Variants in STK25 observed in about 807,000 individuals in gnomAD.
The protein encoded by STK25 is serine/threonine kinase 25, also known as serine/threonine-protein kinase 25.
A neutral mutation model predicts 53.8 loss-of-function variants in STK25; 29 were observed. That is an observed-to-expected ratio of 0.54 (90% CI 0.40 to 0.74). The LOEUF (loss-of-function observed/expected upper bound fraction) is 0.74. STK25 is among the 30% of genes least tolerant of loss of function. STK25 has a pLI of 0.00. For missense variants in STK25, 420 were observed against 568.0 expected (o/e 0.74, Z 2.65); for synonymous variants, 247 against 238.3 (o/e 1.04, Z -0.33).
Position 241,508,523 on chromosome 2 carries a change from CG to C in STK25, c.-182del. 8 of 1,007,944 alleles carry C rather than the reference CG, an allele frequency of 7.9e-6. No individual in the cohort carries two copies. The South Asian group carries it at 1.1e-4, about 14-fold the overall frequency. The allele number at this position is 1,007,944 out of a possible 1,614,324, so 62.4% of individuals were successfully genotyped here. On this transcript the variant is annotated 5_prime_UTR_variant, in exon 1 of 12. Coordinates refer to ENST00000316586, the MANE Select transcript of STK25 (RefSeq NM_001271977.2). ...CTCCCACCCGCAGCCTCTGTTCGCCCGGGGACCCCGGGCCTCCCAGCCCGCG... is the reference window on the plus strand; with the variant it reads ...CTCCCACCCGCAGCCTCTGTTCGCCCGGGACCCCGGGCCTCCCAGCCCGCG...
intron 8 of STK25, 67 bp from the exon 9 acceptor site, chr2:241,498,416 A>C: frequency 7.0e-7 from 1 of 1,428,242 alleles, no homozygotes; most frequent in Non-Finnish European, 9.5e-7. Context: ...GCCTCAGGGC[A>C]CACCTCACGG....
chr2:241,497,498 G>T, intron 10 of STK25, 118 bp downstream of exon 10: 1 of 1,020,848 alleles, frequency 9.8e-7, no homozygotes, highest in Non-Finnish European at 1.5e-6. Flanking sequence ...ACAATCAGCT[G>T]CAGGAAAGCT....
intron 11 of STK25, 130 bp from the exon 12 acceptor site, chr2:241,495,831 C>T: frequency 1.1e-6 from 1 of 880,696 alleles, no homozygotes. Flanking sequence ...AAGGTGTCCC[C>T]AATGCACAGG....
In STK25 at chr2:241,508,100, CGG is replaced by C. The variant is rs1249786319; in HGVS notation, c.-67_-66del. ...GGCGTCTGGATCCCGCGGAGAGGCG[CGG>C]AGCCGGCTAGCTCGCCCCTGCGGCG... is the stretch of plus-strand genomic sequence containing the variant. On this transcript the variant is annotated 5_prime_UTR_variant, in exon 2 of 12. Coordinates refer to ENST00000316586, the MANE Select transcript of STK25 (RefSeq NM_001271977.2). 2.4e-4 allele frequency: 371 copies of C among 1,552,462 alleles called. 1 individual carries two copies. Among genetic ancestry groups the C allele is most frequent in the Non-Finnish European group, 3.0e-4 (346 of 1,150,520 alleles).
Position 241,492,757 on chromosome 2 carries a change from T to C in STK25, c.*2905A>G. On this transcript the variant is annotated 3_prime_UTR_variant, in exon 12 of 12. Coordinates refer to ENST00000316586, the MANE Select transcript of STK25 (RefSeq NM_001271977.2). ...GGAATGTCACTCTAGGTTTTTAACA[T>C]GCTTCTGTTGGACTTAAGTACTGAT... 1.8e-6 allele frequency: 1 copy of C among 564,732 alleles called. No homozygotes were observed. Among genetic ancestry groups the C allele is most frequent in the Non-Finnish European group, 3.2e-6 (1 of 316,432 alleles). 35.0% of individuals were successfully genotyped at this position (564,732 alleles called of 1,614,324 possible). A position where few individuals can be genotyped will look rare whatever the true frequency, so the allele number is the denominator to read the frequency against.
intron 10 of STK25, 76 bp downstream of exon 10, chr2:241,497,540 G>T: frequency 6.9e-7 from 1 of 1,457,518 alleles, no homozygotes. Context: ...GTGCTGTGAG[G>T]GAGACATCTC....
Position 241,501,814 on chromosome 2 carries a change from G to A in STK25, c.31-106C>T. On this transcript the variant is annotated intron_variant, in intron 2 of 11. Coordinates refer to ENST00000316586, the MANE Select transcript of STK25 (RefSeq NM_001271977.2). This position sits in a 1 kb window ranked among gnomAD's most constrained non-coding sequence, Gnocchi z 5.3. ...GAGGAAGGGACCTGTAGGGAAGGGG[G>A]AGTCCAAGGGAGCGCACCTCAATTC... 8 of 725,220 alleles carry A rather than the reference G, an allele frequency of 1.1e-5. No homozygotes were observed. The South Asian group carries it at 1.4e-4, about 13-fold the overall frequency. The allele number at this position is 725,220 out of a possible 1,614,324, so 44.9% of individuals were successfully genotyped here. A position where few individuals can be genotyped will look rare whatever the true frequency, so the allele number is the denominator to read the frequency against.
At chr2:241,508,616 T>C (rs539350255), upstream of STK25, 1,407 of 986,586 alleles carry the variant, frequency 1.4e-3, 3 homozygotes, top group Non-Finnish European at 1.6e-3. Context: ...GTGCTCGGCG[T>C]CGCGGCCCGC....
chr2:241,508,104 G>A lies in STK25; in HGVS notation c.-69C>T, dbSNP rs2065961750. ...TCTGGATCCCGCGGAGAGGCGCGGA[G>A]CCGGCTAGCTCGCCCCTGCGGCGTC... On this transcript the variant is annotated 5_prime_UTR_variant, in exon 2 of 12. Coordinates refer to ENST00000316586, the MANE Select transcript of STK25 (RefSeq NM_001271977.2). 6.5e-7 allele frequency: 1 copy of A among 1,548,342 alleles called. No homozygotes were observed. The highest frequency in any genetic ancestry group is 8.7e-7 in the Non-Finnish European group (1 of 1,148,112).
intron 9 of STK25, 86 bp downstream of exon 9, chr2:241,498,149 C>G: frequency 7.8e-7 from 1 of 1,275,248 alleles, no homozygotes; most frequent in East Asian, 2.3e-5. Context: ...GCTCCAGACA[C>G]TGGGTGGACA....
At chr2:241,502,988 T>C (rs1480412738) in intron 2 of STK25, among the ~76,000 whole-genome samples, 1 of 152,128 alleles carries the variant, frequency 6.6e-6, no homozygotes, top group African/African-American at 2.4e-5. Context: ...GCCAGTGGTG[T>C]GGAAGGTGCC....
At position 241,505,827 on chromosome 2, in the gene STK25, G is replaced by T. The variant is rs189371922; in HGVS notation, c.30+2179C>A. On this transcript the variant is annotated intron_variant, in intron 2 of 11. Transcript: ENST00000316586. Reference sequence around the variant, plus strand: ...CCCACCCCCACCTGGAGAAGAAAGGGTAAGTGGGCCCCTGGCCTGGAGGCT... The same window carrying T: ...CCCACCCCCACCTGGAGAAGAAAGGTTAAGTGGGCCCCTGGCCTGGAGGCT... 1.7e-3 allele frequency among the ~76,000 whole-genome samples: 253 copies of T among 152,340 alleles called. 1 individual carries two copies. The highest frequency in any genetic ancestry group is 5.8e-3 in the African/African-American group (243 of 41,576).
rs1297417339 is a variant in STK25 at position 241,501,562 on chromosome 2, C to A, written c.177G>T (p.Glu59Asp). 6.2e-7 allele frequency: 1 copy of A among 1,614,158 alleles called. No individual in the cohort carries two copies. Among genetic ancestry groups the A allele is most frequent in the East Asian group, 2.2e-5 (1 of 44,880 alleles). The part of the protein sequence containing the change: ...KIIDLEEAED[E>D]IEDIQQEITV... Reference sequence around the variant, plus strand: ...TGATCTCCTGCTGGATGTCCTCGATCTCATCCTCGGCCTCCTCCAGGTCGA... The same window carrying A: ...TGATCTCCTGCTGGATGTCCTCGATATCATCCTCGGCCTCCTCCAGGTCGA... Residue 59 changes from glutamate (E) to aspartate (D), a missense_variant, in exon 3 of 12, where the codon GAG (glutamate) becomes GAT (aspartate). Transcript: ENST00000316586. This position sits in a 1 kb window ranked among gnomAD's most constrained non-coding sequence, Gnocchi z 5.3.
chr2:241,504,666 C>A (rs954559729), intron 2 of STK25, among the ~76,000 whole-genome samples: 1 of 152,162 alleles, frequency 6.6e-6, no homozygotes, highest in Admixed American at 6.6e-5. Context: ...TGGGGGGTCT[C>A]GCTGTGTGCC....
rs2065154901 is a variant in STK25 at position 241,496,330 on chromosome 2, G to A, written c.1241+68C>T. 2 of 1,567,982 alleles carry A rather than the reference G, an allele frequency of 1.3e-6. No individual in the cohort carries two copies. The highest frequency in any genetic ancestry group is 3.4e-5 in the Admixed American group (2 of 58,206). On this transcript the variant is annotated intron_variant, in intron 11 of 11. Coordinates refer to ENST00000316586, the MANE Select transcript of STK25 (RefSeq NM_001271977.2). This position sits in a 1 kb window ranked among gnomAD's most constrained non-coding sequence, Gnocchi z 5.8. ...CAGCCACACCCACGAGTGAGCACTG[G>A]ACCTCACCCCACGTCCAGCTTCTTG...
In STK25 at chr2:241,495,693, T is replaced by C. The variant is rs995832965; in HGVS notation, c.1250A>G (p.His417Arg). 1.9e-5 allele frequency: 31 copies of C among 1,614,090 alleles called. No individual in the cohort carries two copies. The highest frequency in any genetic ancestry group is 2.4e-5 in the Non-Finnish European group (28 of 1,180,036). ...HLVERVQRFSHNRNHLTSTR is the reference protein window; with the variant it reads ...HLVERVQRFSRNRNHLTSTR ...GGTGGATGTCAGGTGGTTTCTGTTGTGTGAAAACCTGCAGAGAGAAGAGCC... is the reference window on the plus strand; with the variant it reads ...GGTGGATGTCAGGTGGTTTCTGTTGCGTGAAAACCTGCAGAGAGAAGAGCC... Residue 417 changes from histidine to arginine, a missense_variant, in exon 12 of 12, where the codon CAC (histidine) becomes CGC (arginine). Physicochemically the swap from His to Arg is conservative, Grantham distance 29. Coordinates refer to ENST00000316586, the MANE Select transcript of STK25 (RefSeq NM_001271977.2).
chr2:241,498,506 A>G, intron 8 of STK25, 133 bp downstream of exon 8: 1 of 1,311,340 alleles, frequency 7.6e-7, no homozygotes, highest in South Asian at 1.4e-5. Flanking sequence ...CCTGTCCTGC[A>G]GCCTTGAGGG....
chr2:241,496,399 T>G lies in STK25; in HGVS notation c.1240A>C (p.Arg414=), dbSNP rs781232606. The change falls in exon 11 of 12, where the codon AGG becomes CGG. Residue 414 remains arginine, a splice_region_variant and synonymous_variant. Coordinates refer to ENST00000316586, the MANE Select transcript of STK25 (RefSeq NM_001271977.2). The surrounding 1 kb of genome is among the most constrained non-coding windows in gnomAD (Gnocchi z 5.8). ...LMVHLVERVQ[R]FSHNRNHLTS... Reference sequence around the variant, plus strand: ...ACCCTATGGCACGGCCGCCCTCACCTCTGCACTCGCTCCACCAGGTGCACC... The same window carrying G: ...ACCCTATGGCACGGCCGCCCTCACCGCTGCACTCGCTCCACCAGGTGCACC... The G allele has an allele frequency of 1.2e-6, 2 of 1,612,900 alleles. No homozygotes were observed. The highest frequency in any genetic ancestry group is 1.1e-5 in the South Asian group (1 of 91,036).
At chr2:241,497,425 T>C in intron 10 of STK25, 191 bp downstream of exon 10, 1 of 603,254 alleles carries the variant, frequency 1.7e-6, no homozygotes, top group Middle Eastern at 2.7e-4. Flanking sequence ...CCTTGGCAGG[T>C]CTGGGAGTAC....
Sources: gnomAD v4.1 joint callset for allele counts (sites outside exome capture counted in the v4.1 genomes callset) on GRCh38, gnomAD v4.1.1 for gene constraint, Gnocchi (gnomAD v3.1) non-coding constraint, MANE v1.5 for transcripts, NCBI Gene and HGNC (gene_info 2026-07-23, HGNC 2026-07-21) for gene names.